Variants in CTNNA3 observed in about 807,000 individuals in gnomAD.
The protein encoded by CTNNA3 is catenin alpha 3, also known as catenin alpha-3.
In CTNNA3, 76 loss-of-function variants were observed where a neutral mutation model predicts 95.7. The ratio of observed to expected loss-of-function variants is 0.79; its 90% CI spans 0.66 to 0.96. The LOEUF (loss-of-function observed/expected upper bound fraction) is 0.96. Among genes scored for constraint, CTNNA3 ranks in the 40% least tolerant of loss-of-function variants. CTNNA3 has a pLI of 0.00. For missense variants in CTNNA3, 1,191 were observed against 1,089.8 expected (o/e 1.09, Z -1.31); for synonymous variants, 431 against 374.4 (o/e 1.15, Z -1.74).
intron 7 of CTNNA3, among the ~76,000 whole-genome samples, chr10:66,818,371 G>T (rs1300771638): frequency 2.0e-5 from 3 of 152,052 alleles, no homozygotes; most frequent in African/African-American, 7.2e-5. Context: ...TTTGCATATA[G>T]GAAATCCTAA....
chr10:65,983,474 T>A lies in CTNNA3; in HGVS notation c.2265+5218A>T, dbSNP rs539204636. ...TAATATGATTAATTACAATGTAGAG[T>A]ACAGAAATAGAAAAAAATATGTACT... On this transcript the variant is annotated intron_variant, in intron 16 of 17. Transcript: ENST00000433211. 5.9e-5 allele frequency among the ~76,000 whole-genome samples: 9 copies of A among 151,542 alleles called. No homozygotes were observed. The South Asian group carries it at 1.5e-3, about 24-fold the overall frequency.
chr10:67,590,263 C>A (rs1842753014), intron 3 of CTNNA3, among the ~76,000 whole-genome samples: 2 of 152,048 alleles, frequency 1.3e-5, no homozygotes, highest in South Asian at 4.1e-4. Flanking sequence ...AAGGGACAGG[C>A]CATGTGTGTT....
At chr10:67,726,586 T>G (rs1564841316) in intron 1 of CTNNA3, among the ~76,000 whole-genome samples, 1 of 66,590 alleles carries the variant, frequency 1.5e-5, no homozygotes, top group African/African-American at 7.0e-5. Context: ...TTATATAATA[T>G]GTAATATTAT....
chr10:66,576,370 CT>C (rs773706490), intron 10 of CTNNA3, among the ~76,000 whole-genome samples: 6 of 152,018 alleles, frequency 3.9e-5, no homozygotes, highest in Non-Finnish European at 5.9e-5. Flanking sequence ...CACATACAGG[CT>C]TGTTACATGG....
chr10:66,983,018 A>G lies in CTNNA3; in HGVS notation c.1047+197299T>C, dbSNP rs1215966384. Among the ~76,000 whole-genome samples the G allele has an allele frequency of 2.0e-5, 3 of 152,248 alleles. No individual in the cohort carries two copies. The East Asian group carries it at 5.8e-4, about 29-fold the overall frequency. ...TAAAGGAAATGCACTAATGAGCAGA[A>G]GGGCAGGTTGCTGAGAGCAGCGACT... On this transcript the variant is annotated intron_variant, in intron 7 of 17. Coordinates refer to ENST00000433211, the MANE Select transcript of CTNNA3 (RefSeq NM_013266.4).
intron 10 of CTNNA3, among the ~76,000 whole-genome samples, chr10:66,597,509 T>TAC (rs1286349635): frequency 4.2e-5 from 4 of 95,962 alleles, no homozygotes; most frequent in Admixed American, 1.3e-4. Flanking sequence ...TTTTATTTCA[T>TAC]ACATATATAT....
intron 7 of CTNNA3, among the ~76,000 whole-genome samples, chr10:66,847,323 T>G (rs1334934000): frequency 6.6e-6 from 1 of 152,166 alleles, no homozygotes; most frequent in Non-Finnish European, 1.5e-5. Flanking sequence ...CATTCCAAAT[T>G]GACAGGAAGC....
chr10:67,208,839 A>G (rs1422798686), intron 6 of CTNNA3, among the ~76,000 whole-genome samples: 1 of 152,186 alleles, frequency 6.6e-6, no homozygotes, highest in African/African-American at 2.4e-5. Flanking sequence ...CTAGACATGA[A>G]TAAAATTATT....
intron 7 of CTNNA3, among the ~76,000 whole-genome samples, chr10:66,869,341 G>A (rs888860249): frequency 6.6e-6 from 1 of 152,030 alleles, no homozygotes; most frequent in Non-Finnish European, 1.5e-5. Context: ...CTGCAACTCA[G>A]CACTTTGGGA....
intron 13 of CTNNA3, among the ~76,000 whole-genome samples, chr10:66,251,038 G>A (rs2090530356): frequency 6.6e-6 from 1 of 152,120 alleles, no homozygotes; most frequent in Non-Finnish European, 1.5e-5. Flanking sequence ...AATGAGAGGT[G>A]ATTCCTGCTC....
chr10:67,547,446 C>A (rs548267133), intron 3 of CTNNA3, among the ~76,000 whole-genome samples: 1 of 152,150 alleles, frequency 6.6e-6, no homozygotes, highest in African/African-American at 2.4e-5. Flanking sequence ...CAGGCTTCAC[C>A]TTACTAGAAA....
chr10:67,131,030 C>A (rs1490507702), intron 7 of CTNNA3, among the ~76,000 whole-genome samples: 1 of 152,034 alleles, frequency 6.6e-6, no homozygotes, highest in Admixed American at 6.6e-5. Context: ...AGAAACTTGG[C>A]TCCATTTTTT....
chr10:67,485,172 A>G (rs1848395515), intron 5 of CTNNA3, among the ~76,000 whole-genome samples: 1 of 152,212 alleles, frequency 6.6e-6, no homozygotes, highest in Admixed American at 6.5e-5. Flanking sequence ...CTGCAGCAAC[A>G]TGGATGCAGC....
intron 9 of CTNNA3, among the ~76,000 whole-genome samples, chr10:66,650,250 G>A (rs1202599537): frequency 6.6e-6 from 1 of 152,106 alleles, no homozygotes; most frequent in African/African-American, 2.4e-5. Context: ...TACAGAACCC[G>A]GGTGTAGCAC....
intron 17 of CTNNA3, among the ~76,000 whole-genome samples, chr10:65,959,509 C>A (rs1038416537): frequency 6.6e-6 from 1 of 152,094 alleles, no homozygotes; most frequent in Non-Finnish European, 1.5e-5. Context: ...TTCTATTTGG[C>A]CATCTTGGAA....
At chr10:66,719,107 G>C (rs947358072) in intron 9 of CTNNA3, among the ~76,000 whole-genome samples, 2 of 152,118 alleles carry the variant, frequency 1.3e-5, no homozygotes, top group African/African-American at 2.4e-5. Flanking sequence ...GATTCCTCAA[G>C]CCAATTTAAG....
intron 7 of CTNNA3, among the ~76,000 whole-genome samples, chr10:67,025,319 G>T (rs1027989436): frequency 1.3e-5 from 2 of 150,474 alleles, no homozygotes; most frequent in African/African-American, 4.9e-5. Context: ...AGCCTATTTT[G>T]TAAGCCCATG....
intron 5 of CTNNA3, among the ~76,000 whole-genome samples, chr10:67,331,434 T>G (rs1841790894): frequency 6.6e-6 from 1 of 152,098 alleles, no homozygotes; most frequent in Non-Finnish European, 1.5e-5. Flanking sequence ...TTAAGGCTAT[T>G]TAGAAGCATA....
rs146904902 is a variant in CTNNA3, at chr10:65,973,728, G to A, written c.2266-6982C>T. ...TGAAGTGGGAACAGGTGCACGACGT[G>A]GGGAGAACAGGAGCAAGAGGGAAGT... On this transcript the variant is annotated intron_variant, in intron 16 of 17. Transcript: ENST00000433211. Among the ~76,000 whole-genome samples, 519 of 152,126 alleles carry A rather than the reference G, an allele frequency of 3.4e-3. 2 individuals carry two copies. Among genetic ancestry groups the A allele is most frequent in the African/African-American group, 0.012 (496 of 41,498 alleles).
Sources: gnomAD v4.1 joint callset for allele counts (sites outside exome capture counted in the v4.1 genomes callset) on GRCh38, gnomAD v4.1.1 for gene constraint, MANE v1.5 for transcripts, NCBI Gene and HGNC (gene_info 2026-07-23, HGNC 2026-07-21) for gene names.